Variants in PCDHA3 observed in about 807,000 individuals in gnomAD.
The protein encoded by PCDHA3 is protocadherin alpha-3.
Under a neutral mutation model 62.2 loss-of-function variants are expected in PCDHA3, and 41 were observed. The observed-to-expected ratio is 0.66, with a 90% CI of 0.51 to 0.86. The LOEUF (loss-of-function observed/expected upper bound fraction) is 0.86. Ranked by LOEUF, PCDHA3 falls within the 40% of genes least tolerant of loss-of-function variation. The pLI, the probability that PCDHA3 is intolerant of heterozygous loss-of-function variation, is 0.00. For synonymous variants in PCDHA3, 640 were observed against 555.4 expected (o/e 1.15, Z -2.14); for missense variants, 1,304 against 1,241.2 (o/e 1.05, Z -0.76).
intron 1 of PCDHA3, among the ~76,000 whole-genome samples, chr5:140,854,943 T>C (rs1157657888): frequency 6.7e-6 from 1 of 149,922 alleles, no homozygotes; most frequent in East Asian, 1.9e-4. Flanking sequence ...GCAGAAATAA[T>C]AAATTTCTTA....
chr5:140,982,254 T>C (rs1275431812), intron 2 of PCDHA3: 9 of 774,802 alleles, frequency 1.2e-5, no homozygotes, highest in Non-Finnish European at 1.5e-5. Flanking sequence ...AGATAGAACA[T>C]GTGTGTTCCT....
At chr5:140,904,818 G>A (rs1186696681) in intron 1 of PCDHA3, among the ~76,000 whole-genome samples, 1 of 152,070 alleles carries the variant, frequency 6.6e-6, no homozygotes, top group Non-Finnish European at 1.5e-5. Flanking sequence ...GTGATGTTGA[G>A]CATTTTTTTA....
intron 1 of PCDHA3, among the ~76,000 whole-genome samples, chr5:140,931,986 C>G (rs562622204): frequency 2.0e-4 from 30 of 151,912 alleles, no homozygotes; most frequent in African/African-American, 7.0e-4. Flanking sequence ...ATATTTTGCT[C>G]AAATTCTAAG....
In PCDHA3 at chr5:141,011,141, A is replaced by G. The variant is rs1039778930; in HGVS notation, c.*1204A>G. 3.9e-5 allele frequency: 6 copies of G among 153,668 alleles called. No homozygotes were observed. In the Admixed American group the frequency reaches 3.9e-4, roughly 10 times the overall value. The allele number at this position is 153,668 out of a possible 1,614,324, so 9.5% of individuals were successfully genotyped here. On this transcript the variant is annotated 3_prime_UTR_variant, in exon 4 of 4. Coordinates refer to ENST00000522353, the MANE Select transcript of PCDHA3 (RefSeq NM_018906.3). Reference sequence around the variant, plus strand: ...ACAATTATGTGCACTTTGATACACAACCTTCTCTAACCAACTATATATCAA... The same window carrying G: ...ACAATTATGTGCACTTTGATACACAGCCTTCTCTAACCAACTATATATCAA...
chr5:140,968,715 A>G, intron 1 of PCDHA3: 1 of 1,614,132 alleles, frequency 6.2e-7, no homozygotes, highest in Non-Finnish European at 8.5e-7. Context: ...AAGATGGGAG[A>G]TGAGAGTGGT....
chr5:140,848,333 CAG>C, intron 1 of PCDHA3: 1 of 843,614 alleles, frequency 1.2e-6, no homozygotes, highest in African/African-American at 1.7e-5. Flanking sequence ...TCTCTGAATC[CAG>C]ACAAATACAG....
At chr5:140,849,732 C>T (rs2150447355) in intron 1 of PCDHA3, 6 of 1,598,488 alleles carry the variant, frequency 3.8e-6, no homozygotes, top group Non-Finnish European at 5.1e-6. Flanking sequence ...GGACAGAGCT[C>T]TGGACCGCGA....
chr5:140,944,464 G>T (rs2093661298), intron 1 of PCDHA3, among the ~76,000 whole-genome samples: 1 of 152,158 alleles, frequency 6.6e-6, no homozygotes, highest in African/African-American at 2.4e-5. Context: ...TGGGATTACA[G>T]GTATGAGGCA....
intron 1 of PCDHA3, among the ~76,000 whole-genome samples, chr5:140,914,027 T>C (rs188298966): frequency 6.6e-6 from 1 of 152,186 alleles, no homozygotes; most frequent in Non-Finnish European, 1.5e-5. Context: ...ATCCACGTGC[T>C]GAGAAGAATG....
intron 1 of PCDHA3, among the ~76,000 whole-genome samples, chr5:140,826,478 G>A (rs1218152841): frequency 6.6e-6 from 1 of 152,136 alleles, no homozygotes; most frequent in Non-Finnish European, 1.5e-5. Flanking sequence ...GCATTTTACT[G>A]TATATCAGAA....
rs782676713 is a variant in PCDHA3 at position 140,968,215 on chromosome 5, G to A, written c.2395-10734G>A. 3 of 1,613,862 alleles carry A rather than the reference G, an allele frequency of 1.9e-6. 1 individual carries two copies. The highest frequency in any genetic ancestry group is 2.5e-6 in the Non-Finnish European group (3 of 1,180,046). On this transcript the variant is annotated intron_variant, in intron 1 of 3. Transcript: ENST00000522353. ...CCATCTACATACAGGAGAACAATTT[G>A]CCAGGTGTGTTGCTCTGTACTGTGC... is the stretch of plus-strand genomic sequence containing the variant.
At chr5:140,988,058 A>G (rs2097280755) in intron 3 of PCDHA3, among the ~76,000 whole-genome samples, 1 of 152,200 alleles carries the variant, frequency 6.6e-6, no homozygotes, top group African/African-American at 2.4e-5. Flanking sequence ...CACTGTCAAC[A>G]TGAATTTTTC....
chr5:140,823,439 T>C lies in PCDHA3; in HGVS notation c.2394+19848T>C, dbSNP rs2150125835. The C allele has an allele frequency of 6.2e-6, 10 of 1,613,256 alleles. No individual in the cohort carries two copies. Among genetic ancestry groups the C allele is most frequent in the African/African-American group, 1.3e-5 (1 of 74,918 alleles). On this transcript the variant is annotated intron_variant, in intron 1 of 3. Coordinates refer to ENST00000522353, the MANE Select transcript of PCDHA3 (RefSeq NM_018906.3). The stretch of plus-strand genomic sequence containing the variant: ...AACGTGACGCTGCAGGTGTTCGTGC[T>C]GGACGAGAACGACAACGCGCCGGCG...
chr5:140,982,985 A>C (rs2097019022), intron 3 of PCDHA3, among the ~76,000 whole-genome samples: 1 of 152,162 alleles, frequency 6.6e-6, no homozygotes, highest in Non-Finnish European at 1.5e-5. Flanking sequence ...AAAGAAAGAG[A>C]AAAAGAAGGA....
chr5:140,810,537 A>G (rs1554125510), intron 1 of PCDHA3: 1 of 152,218 alleles, frequency 6.6e-6, no homozygotes. Context: ...TGACTTTTGT[A>G]ATCTCATTTT....
intron 1 of PCDHA3, among the ~76,000 whole-genome samples, chr5:140,891,122 G>A (rs572236105): frequency 1.3e-5 from 2 of 152,256 alleles, no homozygotes; most frequent in African/African-American, 4.8e-5. Flanking sequence ...CAATCTAAAT[G>A]TCATTCCTTT....
At chr5:140,986,293 CAG>C (rs1447196504) in intron 3 of PCDHA3, among the ~76,000 whole-genome samples, 2 of 152,124 alleles carry the variant, frequency 1.3e-5, no homozygotes, top group Admixed American at 6.5e-5. Flanking sequence ...TGAGACTGAG[CAG>C]AGAGAGAAAA....
intron 1 of PCDHA3, chr5:140,829,525 T>G (rs2150169385): frequency 6.2e-7 from 1 of 1,613,356 alleles, no homozygotes; most frequent in East Asian, 2.2e-5. Context: ...TCACGGTGTC[T>G]GCGCGAGACG....
At position 140,834,260 on chromosome 5, in the gene PCDHA3, C is replaced by T. The variant is rs2150214634; in HGVS notation, c.2394+30669C>T. The stretch of plus-strand genomic sequence containing the variant: ...CTTTTCGCACTGGAAAGACGCTCCA[C>T]TCTCTTTCACTCTTTGGATGCACAA... On this transcript the variant is annotated intron_variant, in intron 1 of 3. Transcript: ENST00000522353. The T allele has an allele frequency of 9.3e-6, 9 of 972,854 alleles. No homozygotes were observed. In the South Asian group the frequency reaches 1.5e-4, roughly 16 times the overall value. 60.3% of individuals were successfully genotyped at this position (972,854 alleles called of 1,614,324 possible).
Sources: gnomAD v4.1 joint callset for allele counts (sites outside exome capture counted in the v4.1 genomes callset) on GRCh38, gnomAD v4.1.1 for gene constraint, MANE v1.5 for transcripts, NCBI Gene and HGNC (gene_info 2026-07-23, HGNC 2026-07-21) for gene names.